STIM1: variants seen among roughly 807,000 people sequenced by gnomAD.
The protein encoded by STIM1 is stromal interaction molecule 1.
Under a neutral mutation model 74.7 loss-of-function variants are expected in STIM1, and 25 were observed. The ratio of observed to expected loss-of-function variants is 0.33; its 90% CI spans 0.24 to 0.47. STIM1 has a LOEUF of 0.47. STIM1 is among the 20% of genes least tolerant of loss of function. The pLI, the probability that STIM1 is intolerant of heterozygous loss-of-function variation, is 1.00. For missense variants in STIM1, 728 were observed against 920.8 expected (o/e 0.79, Z 2.71); for synonymous variants, 328 against 348.8 (o/e 0.94, Z 0.66).
At chr11:4,064,484 A>G (rs1350039296) in intron 5 of STIM1, among the ~76,000 whole-genome samples, 2 of 152,230 alleles carry the variant, frequency 1.3e-5, no homozygotes, top group Non-Finnish European at 2.9e-5. Flanking sequence ...ATCATCAGTC[A>G]TTTAGCACAC....
chr11:3,908,545 G>A (rs942706720), intron 1 of STIM1, among the ~76,000 whole-genome samples: 1 of 150,530 alleles, frequency 6.6e-6, no homozygotes, highest in African/African-American at 2.5e-5. Context: ...CTGGGAGGTG[G>A]AGCTTGCAGT....
At chr11:3,868,188 C>G (rs1383959540) in intron 1 of STIM1, 1 of 101,180 alleles carries the variant, frequency 9.9e-6, no homozygotes, top group African/African-American at 4.6e-5. Flanking sequence ...GAAACTTTTG[C>G]TGACAAGAGC....
intron 1 of STIM1, among the ~76,000 whole-genome samples, chr11:3,876,184 A>G (rs942069367): frequency 7.2e-5 from 11 of 152,212 alleles, no homozygotes; most frequent in African/African-American, 2.4e-4. Context: ...ATGAAATACT[A>G]TTATTGTCAT....
intron 3 of STIM1, among the ~76,000 whole-genome samples, chr11:4,030,326 C>A (rs1028360990): frequency 6.6e-4 from 81 of 122,774 alleles, no homozygotes; most frequent in Admixed American, 1.3e-3. Context: ...AACTCCATCT[C>A]AAAAAAAAAA....
chr11:3,962,822 T>C (rs1000060044), intron 1 of STIM1, among the ~76,000 whole-genome samples: 1 of 152,246 alleles, frequency 6.6e-6, no homozygotes, highest in African/African-American at 2.4e-5. Flanking sequence ...TTCTTTTGGC[T>C]TATCTGTTCT....
Position 4,091,722 on chromosome 11 carries a change from T to C in STIM1, c.2075T>C (p.Ile692Thr), listed in dbSNP as rs765059333. The stretch of plus-strand genomic sequence containing the variant: ...GTGGCTGAGGAGGATAATGGCTCTA[T>C]TGGCGAGGAAACAGACTCCAGCCCA... ...KAVAEEDNGS[I>T]GEETDSSPGR... Residue 692 changes from isoleucine to threonine, a missense_variant, in exon 13 of 13, where the codon ATT becomes ACT. Around this residue, in one of 5 missense-constraint regions of STIM1, gnomAD observed 352 missense variants for 370.1 expected, o/e 0.95. Transcript: ENST00000526596. 4.3e-6 allele frequency: 7 copies of C among 1,613,886 alleles called. No individual in the cohort carries two copies. Among genetic ancestry groups the C allele is most frequent in the South Asian group, 1.1e-5 (1 of 91,090 alleles).
chr11:4,088,604 C>A, intron 12 of STIM1: 1 of 1,165,074 alleles, frequency 8.6e-7, no homozygotes, highest in Non-Finnish European at 1.2e-6. Flanking sequence ...TTCCATGCTC[C>A]AAGGTTTAAG....
chr11:4,058,647 T>A, intron 4 of STIM1: 1 of 287,588 alleles, frequency 3.5e-6, no homozygotes, highest in Non-Finnish European at 5.2e-6. Flanking sequence ...TTTCTCTTAT[T>A]AAAGTTATCA....
In STIM1 at chr11:3,856,313, C is replaced by G; in HGVS notation, c.43C>G (p.Leu15Val). 6.2e-7 allele frequency: 1 copy of G among 1,614,172 alleles called. No homozygotes were observed. Among genetic ancestry groups the G allele is most frequent in the East Asian group, 2.2e-5 (1 of 44,878 alleles). Residue 15 changes from leucine to valine, a missense_variant, in exon 1 of 13, where the codon CTC (leucine) becomes GTC (valine). Around this residue, in one of 5 missense-constraint regions of STIM1, gnomAD observed 62 missense variants for 55.5 expected, o/e 1.12. Transcript: ENST00000526596. ...VRLALWLLWG[L>V]LLHQGQSLSH... is the part of the protein sequence containing the mutation. ...TCTTGCCCTGTGGCTCCTCTGGGGA[C>G]TCCTCCTGCACCAGGGCCAGAGCCT...
intron 1 of STIM1, among the ~76,000 whole-genome samples, chr11:3,866,361 C>G (rs1448389752): frequency 6.6e-6 from 1 of 151,876 alleles, no homozygotes; most frequent in Admixed American, 6.6e-5. Flanking sequence ...TCTGGTAGCA[C>G]TTACTATCTG....
chr11:4,011,783 C>A (rs1415085519), intron 2 of STIM1, among the ~76,000 whole-genome samples: 1 of 152,170 alleles, frequency 6.6e-6, no homozygotes, highest in Non-Finnish European at 1.5e-5. Flanking sequence ...GTGCTTTAGT[C>A]ATGAAGTCTT....
chr11:3,999,875 C>T (rs933029582), intron 2 of STIM1, among the ~76,000 whole-genome samples: 2 of 152,140 alleles, frequency 1.3e-5, no homozygotes, highest in South Asian at 2.1e-4. Context: ...CGGGCCACTC[C>T]CACCCGAATA....
intron 1 of STIM1, 78 bp from the exon 2 acceptor site, chr11:3,967,474 T>C: frequency 6.2e-7 from 1 of 1,610,100 alleles, no homozygotes; most frequent in Non-Finnish European, 8.5e-7. Context: ...TGCTAGAAGC[T>C]AAGGATGCTG....
At chr11:3,958,207 G>A (rs2093241028) in intron 1 of STIM1, among the ~76,000 whole-genome samples, 1 of 152,132 alleles carries the variant, frequency 6.6e-6, no homozygotes, top group Non-Finnish European at 1.5e-5. Context: ...AGTGAGCTTG[G>A]TCAAAATTCA....
chr11:4,053,924 G>T (rs191521778), intron 3 of STIM1, among the ~76,000 whole-genome samples: 188 of 152,212 alleles, frequency 1.2e-3, no homozygotes, highest in African/African-American at 4.3e-3. Context: ...AGATTATCTT[G>T]ACCAGTGCTG....
At chr11:4,063,031 G>C (rs867061123) in intron 5 of STIM1, among the ~76,000 whole-genome samples, 20 of 152,118 alleles carry the variant, frequency 1.3e-4, no homozygotes, top group Non-Finnish European at 2.6e-4. Context: ...ATAATTTTGT[G>C]AGTTCACTTA....
At chr11:3,899,728 CGT>C (rs762810662) in intron 1 of STIM1, among the ~76,000 whole-genome samples, 35,343 of 143,246 alleles carry the variant, frequency 0.25, 5,844 homozygotes, top group African/African-American at 0.47. Flanking sequence ...TAGCATGAAG[CGT>C]TGTTGAATTT....
chr11:3,995,276 A>T (rs2093653326), intron 2 of STIM1, among the ~76,000 whole-genome samples: 1 of 152,002 alleles, frequency 6.6e-6, no homozygotes, highest in Non-Finnish European at 1.5e-5. Context: ...TTGATAATAT[A>T]TTGTAGCAAC....
In STIM1 at chr11:3,941,613, G is replaced by A. The variant is rs182885347; in HGVS notation, c.140-25939G>A. Among the ~76,000 whole-genome samples the A allele has an allele frequency of 2.3e-4, 30 of 129,508 alleles. 1 individual carries two copies. The East Asian group carries it at 6.0e-3, about 26-fold the overall frequency. 85.0% of individuals were successfully genotyped at this position (129,508 alleles called of 152,430 possible). The stretch of plus-strand genomic sequence containing the variant: ...TGTGTGTGTGTGTGTGTGTGTGTGT[G>A]TATACATATATATATATAGAGAGAT... On this transcript the variant is annotated intron_variant, in intron 1 of 12. Transcript: ENST00000526596.
Sources: allele counts gnomAD v4.1 joint callset (sites outside exome capture counted in the v4.1 genomes callset), GRCh38; gene constraint gnomAD v4.1.1; regional missense constraint gnomAD v4.1.1; transcripts MANE v1.5; gene names NCBI Gene and HGNC (gene_info 2026-07-23, HGNC 2026-07-21).